The following ADAMTSL1 variants were observed in gnomAD, a reference collection of about 807,000 sequenced individuals.
ADAMTSL1 encodes the protein ADAMTS-like protein 1.
In ADAMTSL1, 126 loss-of-function variants were observed where a neutral mutation model predicts 201.8. The ratio of observed to expected loss-of-function variants is 0.62; its 90% CI spans 0.54 to 0.72. The LOEUF (loss-of-function observed/expected upper bound fraction) is 0.72. Among genes scored for constraint, ADAMTSL1 ranks in the 30% least tolerant of loss-of-function variants. The pLI is 0.00. For synonymous variants in ADAMTSL1, 1,121 were observed against 903.4 expected (o/e 1.24, Z -4.32); for missense variants, 2,679 against 2,277.8 (o/e 1.18, Z -3.59).
chr9:18,651,896 T>TTAAG (rs145853273), intron 7 of ADAMTSL1, among the ~76,000 whole-genome samples: 26,773 of 151,148 alleles, frequency 0.18, 2,680 homozygotes, highest in Middle Eastern at 0.25. Context: ...TGGGAATTTA[T>TTAAG]TAAGTTTATA....
chr9:18,889,703 C>T lies in ADAMTSL1; in HGVS notation c.4598C>T (p.Pro1533Leu), dbSNP rs1226947715. ...GCCCACTGCGCAGGGAAGGTTCGCC[C>T]TGCGGTGCAGCCCATCGCGTGCAAC... ...NPAHCAGKVR[P>L]AVQPIACNRR... is the part of the protein sequence containing the mutation. The change falls in exon 25 of 29, where the codon CCT becomes CTT. Residue 1533 changes from proline to leucine, a missense_variant. Pro to Leu is a moderately conservative substitution (Grantham distance 98). Transcript: ENST00000380548. 1.3e-6 allele frequency: 2 copies of T among 1,579,004 alleles called. No individual in the cohort carries two copies. Among genetic ancestry groups the T allele is most frequent in the East Asian group, 2.3e-5 (1 of 43,236 alleles).
At chr9:18,369,023 G>A (rs1285805036) in intron 2 of ADAMTSL1, among the ~76,000 whole-genome samples, 4 of 152,178 alleles carry the variant, frequency 2.6e-5, no homozygotes, top group Admixed American at 6.5e-5. Context: ...ACTTGCAGAT[G>A]TGTCTAAATA....
chr9:18,025,276 A>C (rs892902796), intron 1 of ADAMTSL1, among the ~76,000 whole-genome samples: 2 of 151,904 alleles, frequency 1.3e-5, no homozygotes, highest in Non-Finnish European at 2.9e-5. Context: ...CCACTTGTCA[A>C]TTTTTATTTT....
intron 14 of ADAMTSL1, among the ~76,000 whole-genome samples, chr9:18,715,934 A>T (rs1467712725): frequency 2.0e-5 from 3 of 151,734 alleles, no homozygotes; most frequent in Non-Finnish European, 4.4e-5. Flanking sequence ...ATAACGCCGC[A>T]TATCTACAAC....
intron 23 of ADAMTSL1, among the ~76,000 whole-genome samples, chr9:18,875,183 A>G (rs1243813843): frequency 6.6e-6 from 1 of 151,902 alleles, no homozygotes; most frequent in Non-Finnish European, 1.5e-5. Flanking sequence ...ATGGTCTATC[A>G]GTTTTGTTTC....
Position 18,350,188 on chromosome 9 carries a change from G to C in ADAMTSL1, c.208-154641G>C, listed in dbSNP as rs149085529. Among the ~76,000 whole-genome samples, 340 of 152,096 alleles carry C rather than the reference G, an allele frequency of 2.2e-3. 1 individual carries two copies. The highest frequency in any genetic ancestry group is 7.8e-3 in the African/African-American group (324 of 41,482). The stretch of plus-strand genomic sequence containing the variant: ...CCCCACCTGGTCCCCAGGTGTGTAA[G>C]AACCACAAAATACTCTTCATGCCAC... On this transcript the variant is annotated intron_variant, in intron 2 of 29. Transcript: ENST00000680146.
intron 3 of ADAMTSL1, among the ~76,000 whole-genome samples, chr9:18,541,642 C>T (rs956219785): frequency 2.0e-5 from 3 of 152,144 alleles, no homozygotes; most frequent in Non-Finnish European, 4.4e-5. Flanking sequence ...AACATGGGCC[C>T]TCTTGAATCC....
intron 19 of ADAMTSL1, among the ~76,000 whole-genome samples, chr9:18,778,714 A>C (rs1821210193): frequency 6.6e-6 from 1 of 152,350 alleles, no homozygotes; most frequent in East Asian, 1.9e-4. Context: ...TATGTGTTTT[A>C]TCTCACTGAA....
intron 1 of ADAMTSL1, among the ~76,000 whole-genome samples, chr9:18,113,462 A>G (rs1158169613): frequency 6.6e-6 from 1 of 152,162 alleles, no homozygotes; most frequent in Non-Finnish European, 1.5e-5. Context: ...GGCAGAAGAA[A>G]GTCAAGGTCC....
At chr9:18,147,035 T>C (rs1826674364) in intron 1 of ADAMTSL1, among the ~76,000 whole-genome samples, 1 of 152,150 alleles carries the variant, frequency 6.6e-6, no homozygotes, top group Admixed American at 6.6e-5. Context: ...AGCATAGTTG[T>C]TTAAATATAT....
chr9:18,755,596 G>T (rs1357117229), intron 16 of ADAMTSL1, among the ~76,000 whole-genome samples: 1 of 152,104 alleles, frequency 6.6e-6, no homozygotes, highest in Non-Finnish European at 1.5e-5. Flanking sequence ...TGCTTTTTCA[G>T]TTTTTAGGGC....
rs761149791 is a variant in ADAMTSL1 at position 18,777,790 on chromosome 9, G to A, written c.3561G>A (p.Gln1187=). The part of the protein sequence containing the change: ...SASEVVTHLG[Q]TVALASGTLS... Reference sequence around the variant, plus strand: ...CGGAGGTGGTCACCCACCTGGGGCAGACGGTGGCCCTGGCCAGCGGGACAC... The same window carrying A: ...CGGAGGTGGTCACCCACCTGGGGCAAACGGTGGCCCTGGCCAGCGGGACAC... Residue 1187 remains glutamine, a synonymous_variant, in exon 19 of 29, where the codon CAG becomes CAA. Transcript: ENST00000380548. 1 of 1,613,814 alleles carries A rather than the reference G, an allele frequency of 6.2e-7. No homozygotes were observed.
rs578104180 is a variant in ADAMTSL1, at chr9:18,889,686, C to T, written c.4581C>T (p.Cys1527=). Residue 1527 remains cysteine (C), a synonymous_variant, in exon 25 of 29, where the codon TGC becomes TGT. Coordinates refer to ENST00000380548, the MANE Select transcript of ADAMTSL1 (RefSeq NM_001040272.6). ...GCACGGAGGTCAACCCTGCCCACTG[C>T]GCAGGGAAGGTTCGCCCTGCGGTGC... ...LNSTEVNPAH[C]AGKVRPAVQP... is the part of the protein sequence containing the mutation. 41 of 1,593,262 alleles carry T rather than the reference C, an allele frequency of 2.6e-5. 1 individual carries two copies. Among genetic ancestry groups the T allele is most frequent in the African/African-American group, 1.4e-4 (10 of 73,914 alleles).
intron 2 of ADAMTSL1, among the ~76,000 whole-genome samples, chr9:18,234,484 C>G (rs1003698746): frequency 2.6e-5 from 4 of 151,982 alleles, no homozygotes; most frequent in African/African-American, 9.7e-5. Flanking sequence ...GCTAGTGTAC[C>G]TGTTTAATAG....
intron 14 of ADAMTSL1, among the ~76,000 whole-genome samples, chr9:18,717,793 A>T (rs572429): frequency 0.26 from 40,248 of 152,092 alleles, 5,739 homozygotes; most frequent in Middle Eastern, 0.33. Flanking sequence ...TCTCTTGTGA[A>T]GCTTGAAAGT....
Position 18,585,130 on chromosome 9 carries a change from C to G in ADAMTSL1, c.474+10864C>G, listed in dbSNP as rs144068184. ...TTTCGTAATATTTTATTTTTGTCAC[C>G]GTAGCTGGGTCTTTTGTGTATTCAA... On this transcript the variant is annotated intron_variant, in intron 4 of 28. Coordinates refer to ENST00000380548, the MANE Select transcript of ADAMTSL1 (RefSeq NM_001040272.6). Among the ~76,000 whole-genome samples the G allele has an allele frequency of 3.6e-3, 547 of 152,066 alleles. 4 individuals are homozygous for G. Among genetic ancestry groups the G allele is most frequent in the African/African-American group, 0.012 (500 of 41,468 alleles).
At chr9:18,169,394 A>G (rs1388303956) in intron 2 of ADAMTSL1, among the ~76,000 whole-genome samples, 2 of 152,008 alleles carry the variant, frequency 1.3e-5, no homozygotes, top group Non-Finnish European at 2.9e-5. Context: ...TCCTTTCCCC[A>G]TTTCTTGTTT....
At chr9:17,972,955 A>G (rs1231401175) in intron 1 of ADAMTSL1, among the ~76,000 whole-genome samples, 1 of 150,018 alleles carries the variant, frequency 6.7e-6, no homozygotes, top group Non-Finnish European at 1.5e-5. Flanking sequence ...GGCTGCATAA[A>G]TGTCTTCTTT....
intron 1 of ADAMTSL1, among the ~76,000 whole-genome samples, chr9:17,972,278 G>A (rs1818236833): frequency 1.6e-5 from 2 of 128,766 alleles, no homozygotes; most frequent in Admixed American, 8.1e-5. Context: ...TCGTCATTTA[G>A]CATTAAGTAT....
Sources: gnomAD v4.1 joint callset for allele counts (sites outside exome capture counted in the v4.1 genomes callset) on GRCh38, gnomAD v4.1.1 for gene constraint, MANE v1.5 for transcripts, NCBI Gene and HGNC (gene_info 2026-07-23, HGNC 2026-07-21) for gene names.